Variants in ERBIN observed in about 807,000 individuals in gnomAD.
ERBIN encodes the protein densin-180-like protein.
ERBIN carries 60 observed loss-of-function variants against 158.4 expected under a neutral mutation model. The ratio of observed to expected loss-of-function variants is 0.38; its 90% CI spans 0.31 to 0.47. The LOEUF (loss-of-function observed/expected upper bound fraction) is 0.47, where lower values mean the gene tolerates loss of function less well. Ranked by LOEUF, ERBIN falls within the 20% of genes least tolerant of loss-of-function variation. ERBIN has a pLI of 0.99. For missense variants in ERBIN, 1,610 were observed against 1,648.0 expected (o/e 0.98, Z 0.40); for synonymous variants, 594 against 557.2 (o/e 1.07, Z -0.93).
At chr5:65,958,786 G>A (rs1484446438) in intron 1 of ERBIN, among the ~76,000 whole-genome samples, 2 of 152,196 alleles carry the variant, frequency 1.3e-5, no homozygotes, top group African/African-American at 2.4e-5. Flanking sequence ...TCAATACAGT[G>A]TTTGGTAGAG....
intron 14 of ERBIN, among the ~76,000 whole-genome samples, chr5:66,037,822 A>G (rs1430240232): frequency 1.3e-5 from 2 of 152,084 alleles, no homozygotes; most frequent in African/African-American, 2.4e-5. Context: ...AGAAGGTCCA[A>G]ATTTCCTGGG....
At chr5:65,963,975 A>G (rs187766098) in intron 1 of ERBIN, among the ~76,000 whole-genome samples, 12 of 151,716 alleles carry the variant, frequency 7.9e-5, no homozygotes, top group Non-Finnish European at 1.2e-4. Flanking sequence ...AATTTTTTGT[A>G]TTTTTAGTAG....
rs144570135 is a variant in ERBIN, at chr5:65,932,639, A to G, written c.-58+5833A>G. Reference sequence around the variant, plus strand: ...AGTTGGGATTTATGGAACTTTCATTAATTAAATTTTTTTTCTTGTCTGTTC... The same window carrying G: ...AGTTGGGATTTATGGAACTTTCATTGATTAAATTTTTTTTCTTGTCTGTTC... On this transcript the variant is annotated intron_variant, in intron 1 of 25. Coordinates refer to ENST00000284037, the MANE Select transcript of ERBIN (RefSeq NM_001253697.2). 4.0e-4 allele frequency among the ~76,000 whole-genome samples: 61 copies of G among 152,260 alleles called. 1 individual carries two copies. In the East Asian group the frequency reaches 0.011, roughly 27 times the overall value.
chr5:66,072,092 C>G, intron 21 of ERBIN, 77 bp from the exon 22 acceptor site: 1 of 1,444,500 alleles, frequency 6.9e-7, no homozygotes, highest in Non-Finnish European at 9.3e-7. Flanking sequence ...TTTTCCTAAT[C>G]TTCTCTCAAG....
chr5:66,068,818 G>A (rs1761261139), intron 21 of ERBIN: 3 of 1,418,316 alleles, frequency 2.1e-6, no homozygotes, highest in Non-Finnish European at 2.8e-6. Flanking sequence ...TATATAACAT[G>A]TCTCGTGGAT....
At chr5:66,005,306 CAG>C (rs750547804) in intron 4 of ERBIN, among the ~76,000 whole-genome samples, 7 of 152,036 alleles carry the variant, frequency 4.6e-5, no homozygotes, top group Admixed American at 6.5e-5. Context: ...CTTGGAAGGA[CAG>C]AGTTGCCATC....
At chr5:66,046,016 TC>T (rs1222893331) in intron 17 of ERBIN, among the ~76,000 whole-genome samples, 2 of 152,146 alleles carry the variant, frequency 1.3e-5, no homozygotes, top group Non-Finnish European at 2.9e-5. Context: ...TACTGTACAG[TC>T]CACAATGAGC....
chr5:65,936,903 T>A (rs185150430), intron 1 of ERBIN, among the ~76,000 whole-genome samples: 107 of 152,302 alleles, frequency 7.0e-4, no homozygotes, highest in African/African-American at 2.6e-3. Context: ...AATTTGTACT[T>A]CCATCAATGG....
chr5:66,074,934 A>T, intron 22 of ERBIN, 90 bp from the exon 23 acceptor site: 1 of 1,122,816 alleles, frequency 8.9e-7, no homozygotes, highest in Non-Finnish European at 1.3e-6. Context: ...TGAAAACTCT[A>T]GTGCTTTTGT....
At chr5:65,978,679 A>G (rs943068257) in intron 1 of ERBIN, among the ~76,000 whole-genome samples, 1 of 152,240 alleles carries the variant, frequency 6.6e-6, no homozygotes, top group Admixed American at 6.5e-5. Context: ...GGATCCTTGA[A>G]TGACAGTGTG....
rs374890723 is a variant in ERBIN, at chr5:66,012,033, G to A, written c.308-16G>A. 43 of 1,503,444 alleles carry A rather than the reference G, an allele frequency of 2.9e-5. No homozygotes were observed. The East Asian group carries it at 4.5e-4, about 16-fold the overall frequency. The allele number at this position is 1,503,444 out of a possible 1,614,324, so 93.1% of individuals were successfully genotyped here. On this transcript the variant is annotated splice_polypyrimidine_tract_variant and intron_variant, in intron 4 of 25. Transcript: ENST00000284037. ...TTGTAATAGATCTTTTAATTTGATC[G>A]TTGTTTGTTTTCTAGGAATACAGGA...
chr5:66,075,673 A>T (rs902371747), intron 23 of ERBIN, among the ~76,000 whole-genome samples: 5 of 152,206 alleles, frequency 3.3e-5, no homozygotes, highest in African/African-American at 1.2e-4. Context: ...CTTGATAGTT[A>T]TTAATAAAAT....
chr5:66,057,255 A>G (rs1759684991), intron 21 of ERBIN, among the ~76,000 whole-genome samples: 1 of 152,178 alleles, frequency 6.6e-6, no homozygotes, highest in Non-Finnish European at 1.5e-5. Flanking sequence ...GTTAGGTGCA[A>G]TGAAAGGAAC....
intron 1 of ERBIN, chr5:65,961,264 G>T (rs190262621): frequency 3.9e-5 from 6 of 152,302 alleles, no homozygotes; most frequent in Admixed American, 3.3e-4. Flanking sequence ...TGGCACTATA[G>T]TCTCACCCCT....
At chr5:66,012,846 A>G (rs563972121) in intron 5 of ERBIN, among the ~76,000 whole-genome samples, 1 of 152,352 alleles carries the variant, frequency 6.6e-6, no homozygotes, top group East Asian at 1.9e-4. Flanking sequence ...AGGTTGTTAC[A>G]TGGCCCTAAC....
chr5:65,936,061 T>C (rs181761966), intron 1 of ERBIN, among the ~76,000 whole-genome samples: 69 of 152,200 alleles, frequency 4.5e-4, no homozygotes, highest in African/African-American at 1.6e-3. Flanking sequence ...ATTGTTTGCA[T>C]GATCCTGAAG....
At chr5:65,992,572 A>G in intron 2 of ERBIN, 138 bp from the exon 3 acceptor site, 1 of 570,424 alleles carries the variant, frequency 1.8e-6, no homozygotes, top group Non-Finnish European at 2.9e-6. Context: ...GCAATGTTAA[A>G]TGGGTTCCAT....
intron 1 of ERBIN, among the ~76,000 whole-genome samples, chr5:65,956,898 G>A (rs1204996971): frequency 1.3e-5 from 2 of 151,420 alleles, no homozygotes; most frequent in Non-Finnish European, 2.9e-5. Flanking sequence ...CACCCAAAAC[G>A]GGGATTTTGA....
intron 15 of ERBIN, 53 bp downstream of exon 15, chr5:66,038,535 G>A (rs1757617691): frequency 6.7e-6 from 9 of 1,347,226 alleles, no homozygotes; most frequent in Non-Finnish European, 9.4e-6. Context: ...AATTTAAAAG[G>A]TGTGAAGTGA....
Sources: allele counts gnomAD v4.1 joint callset (sites outside exome capture counted in the v4.1 genomes callset), GRCh38; gene constraint gnomAD v4.1.1; transcripts MANE v1.5; gene names NCBI Gene and HGNC (gene_info 2026-07-23, HGNC 2026-07-21).